The following PDE5A variants were observed in gnomAD, a reference collection of about 807,000 sequenced individuals.
The protein encoded by PDE5A is phosphodiesterase 5A, also known as cGMP-specific 3',5'-cyclic phosphodiesterase.
Under a neutral mutation model 110.2 loss-of-function variants are expected in PDE5A, and 67 were observed. The observed-to-expected ratio is 0.61, with a 90% CI of 0.50 to 0.75. The LOEUF (loss-of-function observed/expected upper bound fraction) is 0.75. PDE5A is among the 30% of genes least tolerant of loss of function. The pLI is 0.00. For synonymous variants in PDE5A, 328 were observed against 351.2 expected (o/e 0.93, Z 0.74); for missense variants, 862 against 1,045.1 (o/e 0.82, Z 2.42).
In PDE5A at chr4:119,578,757, C is replaced by A. The variant is rs1364072182; in HGVS notation, c.832-11613G>T. Among the ~76,000 whole-genome samples, 30 of 152,256 alleles carry A rather than the reference C, an allele frequency of 2.0e-4. No homozygotes were observed. The East Asian group carries it at 5.8e-3, about 29-fold the overall frequency. ...ACCCTAGAAGAAAACCTAGGCAATA[C>A]CATTCAGGACATAGGCATGGGCAAG... is the stretch of plus-strand genomic sequence containing the variant. On this transcript the variant is annotated intron_variant, in intron 3 of 20. Coordinates refer to ENST00000354960, the MANE Select transcript of PDE5A (RefSeq NM_001083.4).
At chr4:119,585,757 A>G (rs1033956397) in intron 3 of PDE5A, among the ~76,000 whole-genome samples, 2 of 152,224 alleles carry the variant, frequency 1.3e-5, no homozygotes, top group South Asian at 2.1e-4. Flanking sequence ...CCTCACTGCT[A>G]AAGAACAGAA....
intron 2 of PDE5A, among the ~76,000 whole-genome samples, chr4:119,598,608 G>T (rs1365497282): frequency 2.0e-5 from 3 of 152,180 alleles, no homozygotes; most frequent in Non-Finnish European, 4.4e-5. Flanking sequence ...CCTTCCTGCT[G>T]AAGACATCTA....
intron 10 of PDE5A, among the ~76,000 whole-genome samples, chr4:119,540,317 C>A (rs142355366): frequency 2.2e-3 from 332 of 152,258 alleles, no homozygotes; most frequent in African/African-American, 6.9e-3. Context: ...CCAAATGATA[C>A]ATATTTGTAC....
chr4:119,511,828 TA>T (rs1391263933), intron 14 of PDE5A, among the ~76,000 whole-genome samples: 1 of 152,100 alleles, frequency 6.6e-6, no homozygotes, highest in East Asian at 1.9e-4. Flanking sequence ...GAAAGGATAT[TA>T]TACTCAGTTC....
At chr4:119,616,747 A>G (rs1358450631) in intron 1 of PDE5A, among the ~76,000 whole-genome samples, 1 of 152,164 alleles carries the variant, frequency 6.6e-6, no homozygotes, top group Non-Finnish European at 1.5e-5. Flanking sequence ...ATGATAAAAA[A>G]AAAAAAGGAA....
chr4:119,559,775 C>G (rs1385468163), intron 7 of PDE5A, among the ~76,000 whole-genome samples: 1 of 152,132 alleles, frequency 6.6e-6, no homozygotes, highest in East Asian at 1.9e-4. Flanking sequence ...AATGCATGAT[C>G]AGCAAAGCCA....
intron 15 of PDE5A, among the ~76,000 whole-genome samples, chr4:119,509,382 G>A (rs1272459117): frequency 3.3e-5 from 5 of 152,048 alleles, no homozygotes; most frequent in African/African-American, 1.2e-4. Flanking sequence ...TGTTGAGACA[G>A]TAACTCTGCT....
intron 1 of PDE5A, among the ~76,000 whole-genome samples, chr4:119,621,078 G>A (rs1033078292): frequency 1.3e-5 from 2 of 152,196 alleles, no homozygotes; most frequent in Admixed American, 6.5e-5. Flanking sequence ...AACTGAGAAT[G>A]TATTTTGGCA....
chr4:119,606,629 C>T, intron 2 of PDE5A, 80 bp downstream of exon 2: 1 of 885,578 alleles, frequency 1.1e-6, no homozygotes, highest in Non-Finnish European at 1.8e-6. Flanking sequence ...TGATTGCTAT[C>T]CAATGCCCCA....
At chr4:119,529,492 T>C (rs1403363227) in intron 11 of PDE5A, among the ~76,000 whole-genome samples, 1 of 152,154 alleles carries the variant, frequency 6.6e-6, no homozygotes, top group Non-Finnish European at 1.5e-5. Context: ...TGAGTGAGAC[T>C]TGAATTTCAA....
intron 19 of PDE5A, among the ~76,000 whole-genome samples, 191 bp from the exon 20 acceptor site, chr4:119,501,444 T>TGTGCA (rs1410251334): frequency 1.3e-5 from 2 of 152,104 alleles, no homozygotes; most frequent in African/African-American, 4.8e-5. Context: ...CCTAGTCAGG[T>TGTGCA]GTGCAGTACC....
intron 14 of PDE5A, among the ~76,000 whole-genome samples, chr4:119,511,358 A>ATT (rs762883220): frequency 3.5e-4 from 54 of 152,162 alleles, no homozygotes; most frequent in Non-Finnish European, 6.0e-4. Flanking sequence ...GCCAGAGTAA[A>ATT]GTATGAACAA....
At position 119,525,436 on chromosome 4, in the gene PDE5A, T is replaced by C; in HGVS notation, c.1779+113A>G. The C allele has an allele frequency of 1.0e-6, 1 of 973,508 alleles. No individual in the cohort carries two copies. The allele number at this position is 973,508 out of a possible 1,614,324, so 60.3% of individuals were successfully genotyped here. A position where few individuals can be genotyped will look rare whatever the true frequency, so the allele number is the denominator to read the frequency against. On this transcript the variant is annotated intron_variant, in intron 12 of 20. Coordinates refer to ENST00000354960, the MANE Select transcript of PDE5A (RefSeq NM_001083.4). This position sits in a 1 kb window ranked among gnomAD's most constrained non-coding sequence, Gnocchi z 4.3. ...TATATATTAGGTGACAGTATATTAATCACTAAAATGTAAAAATCCCTATTC... is the reference window on the plus strand; with the variant it reads ...TATATATTAGGTGACAGTATATTAACCACTAAAATGTAAAAATCCCTATTC...
intron 1 of PDE5A, among the ~76,000 whole-genome samples, chr4:119,614,879 C>T (rs1185070499): frequency 6.6e-6 from 1 of 152,112 alleles, no homozygotes; most frequent in Admixed American, 6.6e-5. Flanking sequence ...TTTTCTTCCC[C>T]TGAGTTTCCA....
At position 119,547,106 on chromosome 4, in the gene PDE5A, G is replaced by GTTT. The variant is rs35182804; in HGVS notation, c.1397-4475_1397-4473dup. On this transcript the variant is annotated intron_variant, in intron 9 of 20. Coordinates refer to ENST00000354960, the MANE Select transcript of PDE5A (RefSeq NM_001083.4). Reference sequence around the variant, plus strand: ...TTGGTTAGAATTTCTTTGGGCAATAGTTTTTTTTTTTTTTTTTTTAAATAA... The same window carrying GTTT: ...TTGGTTAGAATTTCTTTGGGCAATAGTTTTTTTTTTTTTTTTTTTTTTAAATAA... Among the ~76,000 whole-genome samples, 184 of 134,290 alleles carry GTTT rather than the reference G, an allele frequency of 1.4e-3. 2 individuals carry two copies. Among genetic ancestry groups the GTTT allele is most frequent in the Non-Finnish European group, 2.1e-3 (134 of 63,570 alleles). The allele number at this position is 134,290 out of a possible 152,430, so 88.1% of individuals were successfully genotyped here. A position where few individuals can be genotyped will look rare whatever the true frequency, so the allele number is the denominator to read the frequency against.
intron 14 of PDE5A, chr4:119,517,082 A>G (rs1344568502): frequency 6.6e-6 from 1 of 152,220 alleles, no homozygotes; most frequent in African/African-American, 2.4e-5. Flanking sequence ...GCAACTTTCT[A>G]TTGGAGAAAT....
intron 18 of PDE5A, among the ~76,000 whole-genome samples, chr4:119,503,506 A>C (rs1725445056): frequency 6.6e-6 from 1 of 152,152 alleles, no homozygotes; most frequent in African/African-American, 2.4e-5. Context: ...GTCTATTTAG[A>C]GCTGAGGCAC....
At chr4:119,506,700 A>G (rs1387186614) in intron 16 of PDE5A, among the ~76,000 whole-genome samples, 1 of 151,898 alleles carries the variant, frequency 6.6e-6, no homozygotes, top group Non-Finnish European at 1.5e-5. Context: ...GATAATCCTT[A>G]TTCTGCAATT....
chr4:119,597,824 T>A (rs1729204160), intron 2 of PDE5A, among the ~76,000 whole-genome samples: 1 of 152,092 alleles, frequency 6.6e-6, no homozygotes, highest in Non-Finnish European at 1.5e-5. Flanking sequence ...AATTTTCAAC[T>A]GAGAGGGCCC....
Sources: gnomAD v4.1 joint callset for allele counts (sites outside exome capture counted in the v4.1 genomes callset) on GRCh38, gnomAD v4.1.1 for gene constraint, Gnocchi (gnomAD v3.1) non-coding constraint, MANE v1.5 for transcripts, NCBI Gene and HGNC (gene_info 2026-07-23, HGNC 2026-07-21) for gene names.